TEX9: variants seen among roughly 807,000 people sequenced by gnomAD.
The protein encoded by TEX9 is testis expressed 9, also known as testis-expressed protein 9.
TEX9 carries 74 observed loss-of-function variants against 59.6 expected under a neutral mutation model. The observed-to-expected ratio is 1.24, with a 90% CI of 1.03 to 1.51. The LOEUF is 1.51. TEX9 is among the 40% of genes most tolerant of loss of function. The pLI is 0.00. For synonymous variants in TEX9, 186 were observed against 152.2 expected (o/e 1.22, Z -1.64); for missense variants, 522 against 447.8 (o/e 1.17, Z -1.49).
chr15:56,344,248 CA>C (rs1162145912), intron 1 of TEX9, among the ~76,000 whole-genome samples: 4 of 151,988 alleles, frequency 2.6e-5, no homozygotes, highest in African/African-American at 9.7e-5. Flanking sequence ...CCATAATTGC[CA>C]AAAAATGGAA....
the TEX9 span, among the ~76,000 whole-genome samples, chr15:56,453,160 C>T: frequency 3.3e-5 from 5 of 152,192 alleles, no homozygotes; most frequent in African/African-American, 7.2e-5. Context: ...TCATTTACTT[C>T]CTATCTCATT....
At chr15:56,269,068 C>A (rs1216765974) in intron 1 of TEX9, among the ~76,000 whole-genome samples, 1 of 152,084 alleles carries the variant, frequency 6.6e-6, no homozygotes, top group African/African-American at 2.4e-5. Flanking sequence ...GTGTGTGTGT[C>A]AAGGAATTTA....
intron 1 of TEX9, among the ~76,000 whole-genome samples, chr15:56,346,705 T>A (rs2046477498): frequency 6.6e-6 from 1 of 151,712 alleles, no homozygotes; most frequent in Non-Finnish European, 1.5e-5. Context: ...TACACTCTTA[T>A]TCAACATAAT....
At chr15:56,249,621 C>T (rs2043963092) in intron 1 of TEX9, among the ~76,000 whole-genome samples, 1 of 151,278 alleles carries the variant, frequency 6.6e-6, no homozygotes, top group Admixed American at 6.6e-5. Flanking sequence ...GCCTGTAATC[C>T]CAGCTACTTG....
intron 1 of TEX9, among the ~76,000 whole-genome samples, chr15:56,300,849 C>T (rs1468215844): frequency 6.6e-6 from 1 of 152,120 alleles, no homozygotes; most frequent in Admixed American, 6.5e-5. Context: ...AGATTCAATT[C>T]CCTTTGAATA....
chr15:56,359,938 C>T lies in TEX9; in HGVS notation c.-106-13503C>T, dbSNP rs2046760948. On this transcript the variant is annotated intron_variant, in intron 1 of 5. Coordinates refer to the TEX9 transcript ENST00000560827. The stretch of plus-strand genomic sequence containing the variant: ...GTCCTAGTTTTCTGAGAGTTTGTAC[C>T]TTCAGGGGTGTTGGATTTTGTCAAA... Among the ~76,000 whole-genome samples the T allele has an allele frequency of 1.3e-5, 2 of 152,026 alleles. 1 individual carries two copies. The highest frequency in any genetic ancestry group is 1.3e-4 in the Admixed American group (2 of 15,260).
intron 11 of TEX9, 115 bp downstream of exon 11, chr15:56,427,854 A>G: frequency 1.4e-6 from 1 of 736,894 alleles, no homozygotes; most frequent in Non-Finnish European, 2.1e-6. Flanking sequence ...AACTTCATAT[A>G]AAATGCATCA....
intron 1 of TEX9, among the ~76,000 whole-genome samples, chr15:56,292,625 C>T (rs1346969749): frequency 1.3e-5 from 2 of 152,022 alleles, no homozygotes; most frequent in Non-Finnish European, 2.9e-5. Context: ...GGGAGATGTC[C>T]CTATCTCTGA....
chr15:56,333,789 C>A (rs1203718649), intron 1 of TEX9, among the ~76,000 whole-genome samples: 1 of 151,938 alleles, frequency 6.6e-6, no homozygotes, highest in African/African-American at 2.4e-5. Flanking sequence ...AAGACTTAAC[C>A]AAAAAGCTAT....
intron 12 of TEX9, among the ~76,000 whole-genome samples, chr15:56,442,902 GAGAAAA>G (rs1272729255): frequency 2.0e-5 from 3 of 149,752 alleles, no homozygotes; most frequent in Admixed American, 6.6e-5. Flanking sequence ...AAGTTGGAAA[GAGAAAA>G]AGAAAAAAAA....
intron 1 of TEX9, among the ~76,000 whole-genome samples, chr15:56,344,548 T>C (rs564494145): frequency 6.6e-6 from 1 of 152,084 alleles, no homozygotes; most frequent in African/African-American, 2.4e-5. Flanking sequence ...GGGCACGGGG[T>C]TTCTTTTTGG....
intron 1 of TEX9, among the ~76,000 whole-genome samples, chr15:56,328,474 G>T (rs1428502709): frequency 6.6e-6 from 1 of 152,104 alleles, no homozygotes; most frequent in Non-Finnish European, 1.5e-5. Flanking sequence ...CACCAAGCAG[G>T]CTCTTGGGGT....
At chr15:56,288,813 T>C (rs961654283) in intron 1 of TEX9, among the ~76,000 whole-genome samples, 6 of 133,110 alleles carry the variant, frequency 4.5e-5, no homozygotes, top group Non-Finnish European at 8.9e-5. Context: ...GTTAGTTCTT[T>C]AAATAAGCTC....
intron 1 of TEX9, among the ~76,000 whole-genome samples, chr15:56,359,843 A>C (rs375839996): frequency 6.6e-6 from 1 of 152,162 alleles, no homozygotes; most frequent in Non-Finnish European, 1.5e-5. Flanking sequence ...TTAGGGAGAA[A>C]GCATCCAATT....
chr15:56,376,520 C>G (rs903397660), intron 3 of TEX9, among the ~76,000 whole-genome samples: 3 of 151,976 alleles, frequency 2.0e-5, no homozygotes, highest in African/African-American at 7.3e-5. Flanking sequence ...TGTTGAACAC[C>G]TTTTTTTATG....
intron 1 of TEX9, among the ~76,000 whole-genome samples, chr15:56,348,669 T>C (rs1237941614): frequency 6.6e-6 from 1 of 152,074 alleles, no homozygotes; most frequent in African/African-American, 2.4e-5. Flanking sequence ...CTTCAAGATT[T>C]TCTCATCTTT....
In TEX9 at chr15:56,431,994, G is replaced by A. The variant is rs570676730; in HGVS notation, c.*29+3521G>A. Among the ~76,000 whole-genome samples the A allele has an allele frequency of 4.9e-3, 742 of 152,112 alleles. 11 individuals are homozygous for A. Among genetic ancestry groups the A allele is most frequent in the Middle Eastern group, 0.014 (4 of 294 alleles). On this transcript the variant is annotated intron_variant, in intron 12 of 12. Transcript: ENST00000352903. ...TCTTAAATAATCACATCAAAATTCT[G>A]GGCCATATAGAAAAGATGACTTGAA...
chr15:56,362,351 C>G (rs1002218261), upstream of TEX9, among the ~76,000 whole-genome samples: 9 of 152,212 alleles, frequency 5.9e-5, no homozygotes, highest in African/African-American at 2.2e-4. Flanking sequence ...GGATTTACAC[C>G]AGGATTGTTC....
intron 1 of TEX9, among the ~76,000 whole-genome samples, chr15:56,360,066 A>G (rs541123533): frequency 2.6e-4 from 40 of 152,298 alleles, no homozygotes; most frequent in African/African-American, 7.9e-4. Flanking sequence ...CCATCCTTGT[A>G]TACTGAGAAT....
Sources: allele counts gnomAD v4.1 joint callset (sites outside exome capture counted in the v4.1 genomes callset), GRCh38; gene constraint gnomAD v4.1.1; transcripts MANE v1.5; gene names NCBI Gene and HGNC (gene_info 2026-07-23, HGNC 2026-07-21).